Variants in HUWE1 observed in about 807,000 individuals in gnomAD.
The protein encoded by HUWE1 is E3 ubiquitin-protein ligase HUWE1.
In HUWE1, 18 loss-of-function variants were observed where a neutral mutation model predicts 299.4. The observed-to-expected ratio is 0.06, with a 90% confidence interval of 0.04 to 0.09. The LOEUF (loss-of-function observed/expected upper bound fraction) is 0.09. Ranked by LOEUF, HUWE1 falls within the 10% of genes least tolerant of loss-of-function variation. The pLI, the probability that HUWE1 is intolerant of heterozygous loss-of-function variation, is 1.00. For missense variants in HUWE1, 1,832 were observed against 3,462.3 expected (o/e 0.53, Z 11.82); for synonymous variants, 1,317 against 1,286.1 (o/e 1.02, Z -0.51).
intron 22 of HUWE1, among the ~76,000 whole-genome samples, chrX:53,615,093 C>A (rs2065723219): frequency 9.2e-6 from 1 of 108,620 alleles, no homozygotes; most frequent in African/African-American, 3.4e-5. Flanking sequence ...GGGGGGCAGC[C>A]ACAGGGATCA....
At chrX:53,674,730 G>A (rs1435545652) in intron 3 of HUWE1, among the ~76,000 whole-genome samples, 2 of 111,273 alleles carry the variant, frequency 1.8e-5, no homozygotes, top group African/African-American at 6.6e-5. Context: ...TGTGTGATTT[G>A]CAAGTCTCCT....
chrX:53,587,042 C>T, intron 37 of HUWE1, 133 bp from the exon 38 acceptor site: 1 of 726,949 alleles, frequency 1.4e-6, no homozygotes, highest in Non-Finnish European at 2.1e-6. Flanking sequence ...AATTTTACCT[C>T]TTACCATTTA....
chrX:53,547,093 T>C (rs1569421054), intron 68 of HUWE1, among the ~76,000 whole-genome samples: 1 of 112,442 alleles, frequency 8.9e-6, no homozygotes, highest in East Asian at 2.8e-4. Flanking sequence ...AGGACTCTTA[T>C]GACTGTAACT....
At chrX:53,569,038 C>T (rs782299328) in intron 48 of HUWE1, among the ~76,000 whole-genome samples, 164 bp from the exon 49 acceptor site, 31 of 111,998 alleles carry the variant, frequency 2.8e-4, no homozygotes, top group Admixed American at 1.7e-3. Context: ...TGATAGCATT[C>T]GTTTTCTCTT....
chrX:53,555,461 G>A (rs1337495873), intron 60 of HUWE1, among the ~76,000 whole-genome samples: 1 of 108,918 alleles, frequency 9.2e-6, no homozygotes, highest in Non-Finnish European at 1.9e-5. Flanking sequence ...AAGTAGCTGA[G>A]ACTATAGGCA....
rs1470018507 is a variant in HUWE1, at chrX:53,654,086, G to A, written c.22C>T (p.Leu8=). The A allele has an allele frequency of 8.4e-7, 1 of 1,187,780 alleles. No homozygotes were observed. Among genetic ancestry groups the A allele is most frequent in the Admixed American group, 2.2e-5 (1 of 45,638 alleles). ...ACAGCCTCAGTAGGTGTCTTCTTCAGTTTAGTCCTGTCTACTTTCATGATT... is the reference window on the plus strand; with the variant it reads ...ACAGCCTCAGTAGGTGTCTTCTTCAATTTAGTCCTGTCTACTTTCATGATT... MKVDRTK[L]KKTPTEAPAD... is the part of the protein sequence containing the mutation. Residue 8 remains leucine (L), a synonymous_variant, in exon 4 of 84, where the codon CTG becomes TTG. Coordinates refer to ENST00000262854, the MANE Select transcript of HUWE1 (RefSeq NM_031407.7).
chrX:53,586,408 C>T, intron 39 of HUWE1, 82 bp downstream of exon 39: 1 of 609,090 alleles, frequency 1.6e-6, no homozygotes, highest in Non-Finnish European at 2.8e-6. Flanking sequence ...ATATTCTTCA[C>T]TACTCTCTCA....
At chrX:53,637,884 G>A (rs1403367609) in intron 7 of HUWE1, among the ~76,000 whole-genome samples, 1 of 111,267 alleles carries the variant, frequency 9.0e-6, no homozygotes, top group East Asian at 2.8e-4. Flanking sequence ...AGTTTGTTTC[G>A]CTGCCAACAA....
chrX:53,658,841 A>G (rs2068868546), intron 3 of HUWE1, among the ~76,000 whole-genome samples: 1 of 112,862 alleles, frequency 8.9e-6, no homozygotes, highest in African/African-American at 3.2e-5. Flanking sequence ...CCCAAGATAC[A>G]CAAAGAACTC....
intron 3 of HUWE1, among the ~76,000 whole-genome samples, chrX:53,672,350 C>T (rs1477887061): frequency 3.7e-5 from 4 of 107,903 alleles, no homozygotes; most frequent in African/African-American, 1.4e-4. Context: ...GCAACCTCCG[C>T]CTCCTGGGTT....
chrX:53,578,881 C>A (rs2063404016), intron 43 of HUWE1, among the ~76,000 whole-genome samples: 1 of 77,131 alleles, frequency 1.3e-5, no homozygotes, highest in East Asian at 4.5e-4. Context: ...GCCCGGCCAG[C>A]CGCCCCGTCC....
chrX:53,591,020 T>C lies in HUWE1; in HGVS notation c.4075A>G (p.Ile1359Val), dbSNP rs1219579285. The C allele has an allele frequency of 1.7e-6, 2 of 1,211,098 alleles. No individual in the cohort carries two copies. The part of the protein sequence containing the change: ...TEYLLTHPPP[I>V]MGGVVRDLSM... ...CTTACCCGAACAACTCCTCCCATGATTGGAGGAGGGTGGGTTAAAAGGTAC... is the reference window on the plus strand; with the variant it reads ...CTTACCCGAACAACTCCTCCCATGACTGGAGGAGGGTGGGTTAAAAGGTAC... Residue 1359 changes from isoleucine to valine, a missense_variant, in exon 34 of 84, where the codon ATC becomes GTC. By Grantham distance (29) the Ile-to-Val change is conservative. Transcript: ENST00000262854.
intron 54 of HUWE1, 66 bp downstream of exon 54, chrX:53,562,045 T>A (rs1556941646): frequency 1.7e-6 from 2 of 1,208,532 alleles, no homozygotes; most frequent in Admixed American, 2.2e-5. Context: ...GACTGTTGGT[T>A]TTCTGCAGCT....
In HUWE1 at chrX:53,600,302, T is replaced by C. The variant is rs1556989100; in HGVS notation, c.2979A>G (p.Glu993=). ...TTQGGKRSDG[E]QDGAAGSMDA... ...CCATACTTCCAGCTGCTCCATCCTG[T>C]TCCCCATCTACAGATGTATAAGAGG... Residue 993 remains glutamate, a synonymous_variant, in exon 29 of 84, where the codon GAA becomes GAG. Transcript: ENST00000262854. 4 of 1,199,603 alleles carry C rather than the reference T, an allele frequency of 3.3e-6. No homozygotes were observed. In the Admixed American group the frequency reaches 6.6e-5, roughly 20 times the overall value.
intron 19 of HUWE1, among the ~76,000 whole-genome samples, chrX:53,618,407 T>C (rs2065920072): frequency 9.1e-6 from 1 of 109,779 alleles, no homozygotes; most frequent in African/African-American, 3.3e-5. Context: ...AGAGCAGTAA[T>C]ATACGTTATG....
chrX:53,681,307 G>A (rs1289843557), intron 2 of HUWE1, among the ~76,000 whole-genome samples: 8 of 108,684 alleles, frequency 7.4e-5, no homozygotes. Flanking sequence ...GGTGGCGCGC[G>A]CCTGTAGTCC....
At chrX:53,662,089 G>A (rs782700300) in intron 3 of HUWE1, among the ~76,000 whole-genome samples, 2 of 111,698 alleles carry the variant, frequency 1.8e-5, no homozygotes, top group Admixed American at 1.9e-4. Flanking sequence ...ATCAAGTGTG[G>A]TCCAAGGATC....
Position 53,579,038 on chromosome X carries a change from G to A in HUWE1, c.5716+1793C>T, listed in dbSNP as rs1403336437. On this transcript the variant is annotated intron_variant, in intron 43 of 83. Transcript: ENST00000262854. Reference sequence around the variant, plus strand: ...CCGTCCGGGAGGGAGGCGGGGGGGGGGGTCGGCCAGCCGCCCCGTCCGGGA... The same window carrying A: ...CCGTCCGGGAGGGAGGCGGGGGGGGAGGTCGGCCAGCCGCCCCGTCCGGGA... Among the ~76,000 whole-genome samples, 304 of 71,065 alleles carry A rather than the reference G, an allele frequency of 4.3e-3. 9 individuals carry two copies. The highest frequency in any genetic ancestry group is 6.5e-3 in the Non-Finnish European group (239 of 36,904). The allele number at this position is 71,065 out of a possible 115,157, so 61.7% of individuals were successfully genotyped here.
At chrX:53,552,494 A>T in intron 62 of HUWE1, 53 bp from the exon 63 acceptor site, 1 of 1,205,736 alleles carries the variant, frequency 8.3e-7, no homozygotes, top group Admixed American at 2.2e-5. Context: ...CTCGTTTATA[A>T]AACACTGCTA....
Sources: allele counts gnomAD v4.1 joint callset (sites outside exome capture counted in the v4.1 genomes callset), GRCh38; gene constraint gnomAD v4.1.1; transcripts MANE v1.5; gene names NCBI Gene and HGNC (gene_info 2026-07-23, HGNC 2026-07-21).